LRRC53: variants seen among roughly 807,000 people sequenced by gnomAD.
LRRC53 encodes leucine-rich repeat-containing protein 53.
In LRRC53, 25 loss-of-function variants were observed where a neutral mutation model predicts 13.6. That is an observed-to-expected ratio of 1.83 (90% CI 1.34 to 2.56). The LOEUF (loss-of-function observed/expected upper bound fraction) is 2.56, where lower values mean the gene tolerates loss of function less well. LRRC53 is among the 30% of genes most tolerant of loss of function. The pLI, the probability that LRRC53 is intolerant of heterozygous loss-of-function variation, is 0.00. For synonymous variants in LRRC53, 204 were observed against 109.8 expected, an observed-to-expected ratio of 1.86 and a Z score of -5.37; for missense variants, 527 against 275.8, an observed-to-expected ratio of 1.91 and a Z score of -6.45.
chr1:74,471,664 A>C lies in LRRC53; in HGVS notation c.1958T>G (p.Met653Arg), dbSNP rs952815591. The change falls in exon 5 of 5, where the codon ATG becomes AGG. Residue 653 changes from methionine to arginine, a missense_variant. Transcript: ENST00000294635. ...CCAAGGGGTTGATATTTTGGGTGAC[A>C]TCATCGACCTATTTATTTCTACTAA... is the stretch of plus-strand genomic sequence containing the variant. ...PDLVEINRSMMSPKISTPWKR... is the reference protein window; with the variant it reads ...PDLVEINRSMRSPKISTPWKR... 1.0e-5 allele frequency: 4 copies of C among 400,732 alleles called. No individual in the cohort carries two copies. The highest frequency in any genetic ancestry group is 8.2e-5 in the African/African-American group (4 of 48,682). 24.8% of individuals were successfully genotyped at this position (400,732 alleles called of 1,614,324 possible).
At chr1:74,483,121 C>T (rs1668585653) in intron 2 of LRRC53, 141 bp downstream of exon 2, 2 of 489,734 alleles carry the variant, frequency 4.1e-6, no homozygotes, top group Non-Finnish European at 7.4e-6. Flanking sequence ...TTGCCAGTCT[C>T]TTTAGTCATT....
intron 4 of LRRC53, among the ~76,000 whole-genome samples, chr1:74,472,918 A>G (rs1442041961): frequency 6.6e-6 from 1 of 152,014 alleles, no homozygotes; most frequent in Non-Finnish European, 1.5e-5. Context: ...TCTTCATGTT[A>G]CAATCTTTCA....
At chr1:74,501,504 G>GTTTGTTTT (rs1164679124) in intron 1 of LRRC53, among the ~76,000 whole-genome samples, 3 of 148,828 alleles carry the variant, frequency 2.0e-5, no homozygotes, top group African/African-American at 5.1e-5. Context: ...TTGTTTGTTT[G>GTTTGTTTT]TTTTTTGAGA....
At chr1:74,489,917 A>G (rs1231683199) in intron 1 of LRRC53, among the ~76,000 whole-genome samples, 1 of 152,092 alleles carries the variant, frequency 6.6e-6, no homozygotes, top group Non-Finnish European at 1.5e-5. Context: ...GAAGACATAC[A>G]TCACACATAG....
chr1:74,523,371 G>C, the LRRC53 span, among the ~76,000 whole-genome samples: 88 of 152,194 alleles, frequency 5.8e-4, no homozygotes, highest in African/African-American at 1.8e-3. Context: ...ATATCTAAGA[G>C]AACAAGCAAT....
At chr1:74,500,755 C>G (rs1480655563) in intron 1 of LRRC53, among the ~76,000 whole-genome samples, 1 of 148,412 alleles carries the variant, frequency 6.7e-6, no homozygotes, top group Non-Finnish European at 1.5e-5. Context: ...TTTAATTGTT[C>G]AGTTACTTTT....
chr1:74,527,043 G>T, the LRRC53 span, among the ~76,000 whole-genome samples: 3,912 of 152,258 alleles, frequency 0.026, 168 homozygotes, highest in African/African-American at 0.09. Flanking sequence ...ATCCCTGCCT[G>T]CTCTAAAAGC....
At chr1:74,530,924 A>G in the LRRC53 span, among the ~76,000 whole-genome samples, 2 of 152,128 alleles carry the variant, frequency 1.3e-5, no homozygotes, top group South Asian at 4.1e-4. Context: ...TGTTGAGCCT[A>G]TTAATAATTT....
chr1:74,480,989 A>T (rs746950236), intron 2 of LRRC53, 21 bp from the exon 3 acceptor site: 1 of 693,932 alleles, frequency 1.4e-6, no homozygotes, highest in South Asian at 1.6e-5. Flanking sequence ...AAAAGCACAG[A>T]CTAGATGCAG....
Position 74,512,132 on chromosome 1 carries a change from C to T in LRRC53, c.-27+394G>A, listed in dbSNP as rs1570724369. On this transcript the variant is annotated intron_variant, in intron 1 of 4. Coordinates refer to ENST00000294635, the MANE Select transcript of LRRC53 (RefSeq NM_001382280.1). ...GGGACTGGATATAGCAGCCACCAGT[C>T]TTTATTGAAATAGCCCTGGGGCATG... Among the ~76,000 whole-genome samples the T allele has an allele frequency of 2.0e-5, 3 of 152,134 alleles. No individual in the cohort carries two copies. The South Asian group carries it at 6.2e-4, about 31-fold the overall frequency.
intron 1 of LRRC53, among the ~76,000 whole-genome samples, chr1:74,509,227 A>G (rs1331334729): frequency 6.6e-6 from 1 of 152,192 alleles, no homozygotes; most frequent in Non-Finnish European, 1.5e-5. Context: ...AGTGTTGACC[A>G]TTCCTCAGTC....
In LRRC53 at chr1:74,489,227, A is replaced by G. The variant is rs1312611492; in HGVS notation, c.-26-5852T>C. The G allele has an allele frequency of 7.4e-6, 12 of 1,612,472 alleles. No individual in the cohort carries two copies. Among genetic ancestry groups the G allele is most frequent in the Non-Finnish European group, 1.0e-5 (12 of 1,179,300 alleles). ...TTTCTGAAGTTGTCATGAAGTTAGA[A>G]GAGTGTCTCTGCAACATTGAGGTAA... On this transcript the variant is annotated intron_variant, in intron 1 of 4. Coordinates refer to ENST00000294635, the MANE Select transcript of LRRC53 (RefSeq NM_001382280.1).
At chr1:74,487,647 A>G (rs1668833375) in intron 1 of LRRC53, among the ~76,000 whole-genome samples, 1 of 152,158 alleles carries the variant, frequency 6.6e-6, no homozygotes, top group African/African-American at 2.4e-5. Flanking sequence ...AGGGAAAGTG[A>G]GTGACAGCGA....
At chr1:74,479,779 G>A (rs972316929) in intron 3 of LRRC53, among the ~76,000 whole-genome samples, 2 of 152,196 alleles carry the variant, frequency 1.3e-5, no homozygotes, top group African/African-American at 4.8e-5. Context: ...ATCTCCTAGT[G>A]TCATAACAAA....
intron 1 of LRRC53, among the ~76,000 whole-genome samples, chr1:74,489,735 T>C (rs181384827): frequency 3.2e-4 from 48 of 152,324 alleles, no homozygotes; most frequent in African/African-American, 8.2e-4. Flanking sequence ...ATCAGGCTAA[T>C]GGAATTTTCT....
At chr1:74,489,382 C>A in intron 1 of LRRC53, 1 of 834,738 alleles carries the variant, frequency 1.2e-6, no homozygotes, top group Non-Finnish European at 1.8e-6. Context: ...TTGCCCTATT[C>A]ATTAAATTCC....
rs193083228 is a variant in LRRC53, at chr1:74,494,538, C to G, written c.-26-11163G>C. 3.1e-3 allele frequency among the ~76,000 whole-genome samples: 474 copies of G among 152,296 alleles called. 1 individual carries two copies. The highest frequency in any genetic ancestry group is 0.011 in the African/African-American group (458 of 41,548). On this transcript the variant is annotated intron_variant, in intron 1 of 4. Transcript: ENST00000294635. ...ACTACATTAGATTTGGTCACATCAT[C>G]ATCTTCCAGTTCTATCTTCTGTTCT...
intron 1 of LRRC53, among the ~76,000 whole-genome samples, chr1:74,508,441 G>T (rs1429043827): frequency 2.6e-5 from 4 of 152,114 alleles, no homozygotes; most frequent in African/African-American, 9.7e-5. Context: ...AAAAAATAAA[G>T]TCCCCAAAAT....
At chr1:74,496,260 T>A (rs1286494274) in intron 1 of LRRC53, among the ~76,000 whole-genome samples, 1 of 152,130 alleles carries the variant, frequency 6.6e-6, no homozygotes, top group Non-Finnish European at 1.5e-5. Context: ...AAAGCCAAGG[T>A]GAAATACCAT....
Sources: gnomAD v4.1 joint callset for allele counts (sites outside exome capture counted in the v4.1 genomes callset) on GRCh38, gnomAD v4.1.1 for gene constraint, MANE v1.5 for transcripts, NCBI Gene and HGNC (gene_info 2026-07-23, HGNC 2026-07-21) for gene names.